NTN4: variants seen among roughly 807,000 people sequenced by gnomAD.
The protein encoded by NTN4 is netrin-4.
Under a neutral mutation model 73.6 loss-of-function variants are expected in NTN4, and 32 were observed. The observed-to-expected ratio is 0.44, with a 90% confidence interval of 0.33 to 0.58. The LOEUF (loss-of-function observed/expected upper bound fraction) is 0.58. Among genes scored for constraint, NTN4 ranks in the 20% least tolerant of loss-of-function variants. The pLI is 0.04. For missense variants in NTN4, 654 were observed against 798.3 expected, an observed-to-expected ratio of 0.82 and a Z score of 2.18; for synonymous variants, 258 against 287.5, an observed-to-expected ratio of 0.90 and a Z score of 1.04.
chr12:95,741,467 A>ATATC (rs1319097197), intron 2 of NTN4, among the ~76,000 whole-genome samples: 228 of 108,688 alleles, frequency 2.1e-3, no homozygotes, highest in African/African-American at 7.4e-3. Context: ...ATATATATAT[A>ATATC]TATATATCTC....
At chr12:95,686,022 A>G (rs1208650298) in intron 5 of NTN4, among the ~76,000 whole-genome samples, 1 of 152,072 alleles carries the variant, frequency 6.6e-6, no homozygotes, top group Non-Finnish European at 1.5e-5. Context: ...AGTAGCTGGG[A>G]CTATGGGCAC....
intron 3 of NTN4, among the ~76,000 whole-genome samples, chr12:95,716,620 T>C (rs899023038): frequency 3.9e-5 from 6 of 152,164 alleles, no homozygotes; most frequent in African/African-American, 7.2e-5. Context: ...TTTTTCCTTT[T>C]ATGGTTTCTT....
chr12:95,751,123 T>C (rs1207740882), intron 2 of NTN4, among the ~76,000 whole-genome samples: 3 of 152,182 alleles, frequency 2.0e-5, no homozygotes, highest in African/African-American at 7.2e-5. Flanking sequence ...ATACATTTTA[T>C]TACCCAATCT....
intron 5 of NTN4, among the ~76,000 whole-genome samples, chr12:95,694,964 C>T (rs1296064698): frequency 2.0e-5 from 3 of 152,082 alleles, no homozygotes; most frequent in Non-Finnish European, 2.9e-5. Flanking sequence ...CCCATCTCTA[C>T]TCAAAATACA....
intron 3 of NTN4, among the ~76,000 whole-genome samples, chr12:95,718,778 AC>A (rs1183379931): frequency 2.0e-5 from 3 of 152,182 alleles, no homozygotes; most frequent in African/African-American, 7.2e-5. Context: ...TATTGACTAT[AC>A]TTAAATGAAA....
At chr12:95,682,275 A>G (rs1459638494) in intron 7 of NTN4, among the ~76,000 whole-genome samples, 3 of 151,382 alleles carry the variant, frequency 2.0e-5, no homozygotes, top group Non-Finnish European at 1.5e-5. Context: ...GCTGGTCTTG[A>G]ACTCTTAGCC....
chr12:95,777,379 G>A (rs998056928), intron 2 of NTN4, among the ~76,000 whole-genome samples: 3 of 152,150 alleles, frequency 2.0e-5, no homozygotes, highest in Non-Finnish European at 4.4e-5. Context: ...ATTGGATAAA[G>A]AGTCAAGACC....
In NTN4 at chr12:95,790,325, G is replaced by A. The variant is rs1436475911; in HGVS notation, c.-16C>T. 2.6e-6 allele frequency: 4 copies of A among 1,523,404 alleles called. No individual in the cohort carries two copies. Among genetic ancestry groups the A allele is most frequent in the Non-Finnish European group, 3.5e-6 (4 of 1,136,158 alleles). The allele number at this position is 1,523,404 out of a possible 1,614,324, so 94.4% of individuals were successfully genotyped here. ...AGCTCCCCATGGCCGGGAGGAGCCGGGAGCAGCCGGGCCGGGCGGGTGCCG... is the reference window on the plus strand; with the variant it reads ...AGCTCCCCATGGCCGGGAGGAGCCGAGAGCAGCCGGGCCGGGCGGGTGCCG... On this transcript the variant is annotated 5_prime_UTR_variant, in exon 1 of 10. Coordinates refer to ENST00000343702, the MANE Select transcript of NTN4 (RefSeq NM_021229.4). This position sits in a 1 kb window ranked among gnomAD's most constrained non-coding sequence, Gnocchi z 6.5.
At position 95,790,212 on chromosome 12, in the gene NTN4, G is replaced by T; in HGVS notation, c.55+43C>A. 7.3e-6 allele frequency: 11 copies of T among 1,505,782 alleles called. No homozygotes were observed. Among genetic ancestry groups the T allele is most frequent in the Non-Finnish European group, 9.8e-6 (11 of 1,120,822 alleles). The allele number at this position is 1,505,782 out of a possible 1,614,324, so 93.3% of individuals were successfully genotyped here. Reference sequence around the variant, plus strand: ...CCGAGTCCCGAGATGGGTTAGAGAAGCAGCGAGGGAAGGGGTGGGGGCCCC... The same window carrying T: ...CCGAGTCCCGAGATGGGTTAGAGAATCAGCGAGGGAAGGGGTGGGGGCCCC... On this transcript the variant is annotated intron_variant, in intron 1 of 9. Transcript: ENST00000343702. This position sits in a 1 kb window ranked among gnomAD's most constrained non-coding sequence, Gnocchi z 6.5.
At chr12:95,743,400 G>A (rs1385305402) in intron 2 of NTN4, among the ~76,000 whole-genome samples, 3 of 152,070 alleles carry the variant, frequency 2.0e-5, no homozygotes, top group Non-Finnish European at 2.9e-5. Context: ...TTAGATCATT[G>A]ATTTGACTTT....
intron 2 of NTN4, among the ~76,000 whole-genome samples, chr12:95,786,201 T>C (rs2079166168): frequency 6.6e-6 from 1 of 152,264 alleles, no homozygotes; most frequent in Non-Finnish European, 1.5e-5. Context: ...TCTCTTAATC[T>C]GCTTTTATTC....
chr12:95,679,491 T>A lies in NTN4; in HGVS notation c.1510+3216A>T, dbSNP rs78627344. 5.5e-3 allele frequency among the ~76,000 whole-genome samples: 840 copies of A among 152,314 alleles called. 8 individuals carry two copies. The highest frequency in any genetic ancestry group is 0.019 in the African/African-American group (799 of 41,576). On this transcript the variant is annotated intron_variant, in intron 7 of 9. Transcript: ENST00000343702. ...TTCAAGCATCTCATTCTTTGACTTC[T>A]ACATCCCATCCTAGCTTGTTTCCAA... is the stretch of plus-strand genomic sequence containing the variant.
At chr12:95,679,192 C>T (rs781322301) in intron 7 of NTN4, among the ~76,000 whole-genome samples, 36 of 151,966 alleles carry the variant, frequency 2.4e-4, no homozygotes, top group Non-Finnish European at 2.8e-4. Context: ...AAAATTCACA[C>T]GAAAGGCAAA....
intron 2 of NTN4, among the ~76,000 whole-genome samples, chr12:95,785,274 C>A (rs1204091407): frequency 6.6e-6 from 1 of 152,196 alleles, no homozygotes; most frequent in African/African-American, 2.4e-5. Context: ...TGTAAGGAGC[C>A]AATATGAGCC....
At chr12:95,718,604 C>CTA (rs2078624948) in intron 3 of NTN4, among the ~76,000 whole-genome samples, 3 of 151,104 alleles carry the variant, frequency 2.0e-5, no homozygotes, top group East Asian at 3.9e-4. Context: ...TAGCTGGATC[C>CTA]TGTTGCCACT....
intron 5 of NTN4, among the ~76,000 whole-genome samples, chr12:95,705,168 T>C (rs1222709719): frequency 6.6e-6 from 1 of 152,170 alleles, no homozygotes; most frequent in Admixed American, 6.5e-5. Context: ...TTATTATGTT[T>C]CAGGGCAATT....
intron 5 of NTN4, among the ~76,000 whole-genome samples, chr12:95,696,594 A>G (rs2078444116): frequency 6.6e-6 from 1 of 152,178 alleles, no homozygotes; most frequent in South Asian, 2.1e-4. Context: ...ACATTAATAA[A>G]TGAACGTGCA....
In NTN4 at chr12:95,787,450, C is replaced by A. The variant is rs34684875; in HGVS notation, c.74G>T (p.Gly25Val). 4.4e-3 allele frequency: 7,061 copies of A among 1,613,942 alleles called. 27 individuals carry two copies. The highest frequency in any genetic ancestry group is 0.012 in the Middle Eastern group (69 of 5,958). The change falls in exon 2 of 10, where the codon GGA becomes GTA. Residue 25 changes from glycine (G) to valine (V), a missense_variant. Gly to Val is a moderately radical substitution (Grantham distance 109). Coordinates refer to ENST00000343702, the MANE Select transcript of NTN4 (RefSeq NM_021229.4). The part of the protein sequence containing the change: ...VVAAGLSGVA[G>V]VSSRCEKACN... ...GGCTTTTTCACAGCGGGAACTCACT[C>A]CAGCTACTCCACTCAGTCCTAAGAA...
chr12:95,685,569 C>A (rs1309071101), intron 5 of NTN4, among the ~76,000 whole-genome samples: 3 of 152,192 alleles, frequency 2.0e-5, no homozygotes, highest in Admixed American at 6.5e-5. Flanking sequence ...CTGAAGAAGC[C>A]AGTTCTTCAT....
Sources: gnomAD v4.1 joint callset for allele counts (sites outside exome capture counted in the v4.1 genomes callset) on GRCh38, gnomAD v4.1.1 for gene constraint, Gnocchi (gnomAD v3.1) non-coding constraint, MANE v1.5 for transcripts, NCBI Gene and HGNC (gene_info 2026-07-23, HGNC 2026-07-21) for gene names.